The following LURAP1L variants were observed in gnomAD, a reference collection of about 807,000 sequenced individuals.
The protein encoded by LURAP1L is leucine rich adaptor protein 1-like.
Under a neutral mutation model 13.8 loss-of-function variants are expected in LURAP1L, and 12 were observed. That is an observed-to-expected ratio of 0.87 (90% CI 0.56 to 1.41). LURAP1L has a LOEUF of 1.41. Ranked by LOEUF, LURAP1L falls within the 40% of genes most tolerant of loss-of-function variation. The pLI is 0.00. For missense variants in LURAP1L, 375 were observed against 292.9 expected (o/e 1.28, Z -2.04); for synonymous variants, 139 against 119.2 (o/e 1.17, Z -1.08).
Position 12,775,707 on chromosome 9 carries a change from G to A in LURAP1L, c.-9G>A. 2 of 1,557,228 alleles carry A rather than the reference G, an allele frequency of 1.3e-6. No homozygotes were observed. Among genetic ancestry groups the A allele is most frequent in the Non-Finnish European group, 1.7e-6 (2 of 1,158,066 alleles). On this transcript the variant is annotated 5_prime_UTR_variant, in exon 1 of 2. Coordinates refer to ENST00000319264, the MANE Select transcript of LURAP1L (RefSeq NM_203403.2). Reference sequence around the variant, plus strand: ...GTTTTATTACTATTATCGCCGTTCCGGAAAAGTCATGGAAGACAGCCCGCT... The same window carrying A: ...GTTTTATTACTATTATCGCCGTTCCAGAAAAGTCATGGAAGACAGCCCGCT...
rs1400510871 is a variant in LURAP1L at position 12,787,587 on chromosome 9, G to GATC, written c.312+11565_312+11567dup. Among the ~76,000 whole-genome samples the GATC allele has an allele frequency of 7.2e-5, 11 of 152,154 alleles. No homozygotes were observed. In the East Asian group the frequency reaches 2.1e-3, roughly 29 times the overall value. ...TTCTCTACTCTCATCCTAGCCAGTT[G>GATC]ATCATCAACCTTTGGTTGAACTTCT... is the stretch of plus-strand genomic sequence containing the variant. On this transcript the variant is annotated intron_variant, in intron 1 of 1. Transcript: ENST00000319264.
intron 1 of LURAP1L, among the ~76,000 whole-genome samples, chr9:12,785,560 C>T (rs1330533984): frequency 6.6e-6 from 1 of 152,146 alleles, no homozygotes; most frequent in Non-Finnish European, 1.5e-5. Context: ...AGAAAATTCC[C>T]CTCTAGCTAG....
intron 1 of LURAP1L, among the ~76,000 whole-genome samples, chr9:12,790,112 T>TA (rs1563889898): frequency 2.0e-5 from 3 of 152,062 alleles, no homozygotes. Context: ...CATGTTATTT[T>TA]AAAAAAATAT....
chr9:12,777,528 G>A (rs978849095), intron 1 of LURAP1L: 17 of 980,230 alleles, frequency 1.7e-5, no homozygotes, highest in South Asian at 4.7e-5. Context: ...TTTTACCCAT[G>A]GAATGTTAAT....
Position 12,775,862 on chromosome 9 carries a change from T to TGGCGGCGGCGGGGGC in LURAP1L, c.158_159insGGGCGGCGGCGGCGG (p.Gly51_Gly55dup), listed in dbSNP as rs1819168380. ...ACCCCTGCGGGGGGAGCGGTGGTGG[T>TGGCGGCGGCGGGGGC]GGCGGCGGCGGCGGCGGCTGCAGTA... On this transcript the variant is annotated inframe_insertion, in exon 1 of 2. Transcript: ENST00000319264. 1 of 1,443,032 alleles carries TGGCGGCGGCGGGGGC rather than the reference T, an allele frequency of 6.9e-7. No individual in the cohort carries two copies. Among genetic ancestry groups the TGGCGGCGGCGGGGGC allele is most frequent in the African/African-American group, 1.4e-5 (1 of 71,504 alleles). 89.4% of individuals were successfully genotyped at this position (1,443,032 alleles called of 1,614,324 possible). A position where few individuals can be genotyped will look rare whatever the true frequency, so the allele number is the denominator to read the frequency against.
chr9:12,793,184 T>A (rs1454758329), intron 1 of LURAP1L, among the ~76,000 whole-genome samples: 1 of 152,044 alleles, frequency 6.6e-6, no homozygotes, highest in East Asian at 1.9e-4. Context: ...CCAATTATCA[T>A]CCTTCAGTAG....
chr9:12,804,790 T>C (rs145593401), intron 1 of LURAP1L, among the ~76,000 whole-genome samples: 79 of 152,270 alleles, frequency 5.2e-4, no homozygotes, highest in African/African-American at 1.9e-3. Flanking sequence ...AGAAGTCAAA[T>C]AATTCATTAG....
At chr9:12,815,210 G>A (rs756642499) in intron 1 of LURAP1L, among the ~76,000 whole-genome samples, 12 of 152,158 alleles carry the variant, frequency 7.9e-5, no homozygotes, top group Non-Finnish European at 1.2e-4. Context: ...ATCAAATTGA[G>A]GATGTCCTGA....
At position 12,776,022 on chromosome 9, in the gene LURAP1L, G is replaced by A; in HGVS notation, c.307G>A (p.Glu103Lys). 1 of 1,612,938 alleles carries A rather than the reference G, an allele frequency of 6.2e-7. No individual in the cohort carries two copies. The highest frequency in any genetic ancestry group is 8.5e-7 in the Non-Finnish European group (1 of 1,179,696). ...LETKLHLLRQEMVNLRATDVR... is the reference protein window; with the variant it reads ...LETKLHLLRQKMVNLRATDVR... The stretch of plus-strand genomic sequence containing the variant: ...AACCAAGCTTCACCTCCTCAGGCAA[G>A]AGATGGTGAGTGTGGTGCGCCAGCC... Residue 103 changes from glutamate (E) to lysine (K), a missense_variant, in exon 1 of 2, where the codon GAG becomes AAG. Physicochemically the swap from Glu to Lys is moderately conservative, Grantham distance 56. Coordinates refer to ENST00000319264, the MANE Select transcript of LURAP1L (RefSeq NM_203403.2).
chr9:12,793,419 T>C (rs1447219914), intron 1 of LURAP1L, among the ~76,000 whole-genome samples: 1 of 152,116 alleles, frequency 6.6e-6, no homozygotes, highest in African/African-American at 2.4e-5. Flanking sequence ...CTTAACCTTA[T>C]AGAATTAGAC....
intron 1 of LURAP1L, among the ~76,000 whole-genome samples, chr9:12,800,974 C>G (rs1819578147): frequency 6.6e-6 from 1 of 152,174 alleles, no homozygotes; most frequent in South Asian, 2.1e-4. Flanking sequence ...TGAACTGTCA[C>G]AGCATTTCTC....
chr9:12,808,421 C>T (rs1819690504), intron 1 of LURAP1L, among the ~76,000 whole-genome samples: 1 of 152,060 alleles, frequency 6.6e-6, no homozygotes, highest in East Asian at 1.9e-4. Context: ...CATTGTTGTA[C>T]CACTATCACC....
chr9:12,812,447 A>G (rs542338679), intron 1 of LURAP1L, among the ~76,000 whole-genome samples: 1 of 152,036 alleles, frequency 6.6e-6, no homozygotes, highest in South Asian at 2.1e-4. Flanking sequence ...ATTTTTACTC[A>G]CTCTCTGTTG....
At chr9:12,801,813 A>G (rs978023850) in intron 1 of LURAP1L, among the ~76,000 whole-genome samples, 3 of 152,198 alleles carry the variant, frequency 2.0e-5, no homozygotes, top group African/African-American at 4.8e-5. Flanking sequence ...AATTTTAACA[A>G]CTGTAATACT....
intron 1 of LURAP1L, among the ~76,000 whole-genome samples, chr9:12,796,794 G>C (rs1819517083): frequency 6.6e-6 from 1 of 151,924 alleles, no homozygotes; most frequent in African/African-American, 2.4e-5. Context: ...GTAAATCTAG[G>C]CCTGAATCCC....
intron 1 of LURAP1L, among the ~76,000 whole-genome samples, chr9:12,798,622 CA>C (rs1819541117): frequency 6.6e-6 from 1 of 152,110 alleles, no homozygotes; most frequent in African/African-American, 2.4e-5. Context: ...TGTGGTCCTT[CA>C]AAGCTAGAAG....
At chr9:12,793,832 G>A (rs1819477586) in intron 1 of LURAP1L, among the ~76,000 whole-genome samples, 1 of 151,984 alleles carries the variant, frequency 6.6e-6, no homozygotes, top group African/African-American at 2.4e-5. Context: ...TGCACAAAAT[G>A]GAACTGCTCA....
chr9:12,791,855 A>C (rs1023099402), intron 1 of LURAP1L, among the ~76,000 whole-genome samples: 2 of 152,106 alleles, frequency 1.3e-5, no homozygotes, highest in Non-Finnish European at 2.9e-5. Context: ...TCGTGTGTAC[A>C]CTGTTGTCAC....
At chr9:12,802,535 G>C (rs1243283443) in intron 1 of LURAP1L, among the ~76,000 whole-genome samples, 1 of 152,148 alleles carries the variant, frequency 6.6e-6, no homozygotes. Flanking sequence ...TCCAGAAGCT[G>C]AGCAGATACC....
Sources: allele counts gnomAD v4.1 joint callset (sites outside exome capture counted in the v4.1 genomes callset), GRCh38; gene constraint gnomAD v4.1.1; transcripts MANE v1.5; gene names NCBI Gene and HGNC (gene_info 2026-07-23, HGNC 2026-07-21).